The following PPFIA3 variants were observed in gnomAD, a reference collection of about 807,000 sequenced individuals.
The protein encoded by PPFIA3 is PPFI scaffold protein A3.
PPFIA3 carries 26 observed loss-of-function variants against 145.8 expected under a neutral mutation model. The ratio of observed to expected loss-of-function variants is 0.18; its 90% CI spans 0.13 to 0.25. The LOEUF is 0.25. Among genes scored for constraint, PPFIA3 ranks in the 10% least tolerant of loss-of-function variants. The pLI is 1.00. For missense variants in PPFIA3, 1,008 were observed against 1,587.8 expected, an observed-to-expected ratio of 0.63 and a Z score of 6.21; for synonymous variants, 645 against 661.4, an observed-to-expected ratio of 0.98 and a Z score of 0.38.
At chr19:49,148,436 T>A in intron 24 of PPFIA3, 178 bp downstream of exon 24, 1 of 830,334 alleles carries the variant, frequency 1.2e-6, no homozygotes, top group Non-Finnish European at 1.8e-6. Flanking sequence ...CAGGAAAAGT[T>A]CAGATCCTGA....
In PPFIA3 at chr19:49,122,385, GT is replaced by G. The variant is rs545265605; in HGVS notation, c.-16+2670del. On this transcript the variant is annotated intron_variant, in intron 1 of 29. Coordinates refer to ENST00000334186, the MANE Select transcript of PPFIA3 (RefSeq NM_003660.4). The stretch of plus-strand genomic sequence containing the variant: ...GCGTGAGCCACTGTGCACAGCCTTT[GT>G]TTTTTTCATATATTTAGATAAGACC... 3.3e-5 allele frequency among the ~76,000 whole-genome samples: 5 copies of G among 152,076 alleles called. No individual in the cohort carries two copies. The South Asian group carries it at 1.0e-3, about 32-fold the overall frequency.
At chr19:49,135,575 G>C (rs981100614) in intron 13 of PPFIA3, among the ~76,000 whole-genome samples, 1 of 151,958 alleles carries the variant, frequency 6.6e-6, no homozygotes, top group African/African-American at 2.4e-5. Flanking sequence ...GGCTTCACCA[G>C]GTTGGCCTGG....
chr19:49,138,002 G>T (rs2041162092), intron 15 of PPFIA3, among the ~76,000 whole-genome samples: 3 of 152,048 alleles, frequency 2.0e-5, no homozygotes, highest in Non-Finnish European at 2.9e-5. Context: ...ATCCTGCAAT[G>T]ACTTCCTGAG....
At chr19:49,148,054 ACT>A in intron 23 of PPFIA3, 27 bp from the exon 24 acceptor site, 1 of 1,594,874 alleles carries the variant, frequency 6.3e-7, no homozygotes, top group South Asian at 1.1e-5. Flanking sequence ...AGAGGGCCTG[ACT>A]CTTCCCTCAC....
chr19:49,134,638 GAACT>G lies in PPFIA3; in HGVS notation c.1378_1381del (p.Asn460ProfsTer2). ...CCCTCACTTCACCTCTGTCTCCACA[GAACT>G]CCCTGAGCGAGGAGATAGCCAACAT... On this transcript the variant is annotated frameshift_variant and splice_region_variant, in exon 12 of 30. Transcript: ENST00000334186. LOFTEE classifies it high-confidence loss of function. The G allele has an allele frequency of 1.9e-6, 3 of 1,613,594 alleles. No individual in the cohort carries two copies. The highest frequency in any genetic ancestry group is 2.5e-6 in the Non-Finnish European group (3 of 1,179,904).
rs1168429559 is a variant in PPFIA3, at chr19:49,146,206, G to A, written c.2835+14G>A. The A allele has an allele frequency of 6.2e-7, 1 of 1,613,202 alleles. No homozygotes were observed. Among genetic ancestry groups the A allele is most frequent in the Non-Finnish European group, 8.5e-7 (1 of 1,179,708 alleles). On this transcript the variant is annotated intron_variant, in intron 23 of 29. Transcript: ENST00000334186. Reference sequence around the variant, plus strand: ...AGCTGGGAGCAGGTAGGGGGCGCGGGGCGGGGCGTGAGCGCATGAACAGGC... The same window carrying A: ...AGCTGGGAGCAGGTAGGGGGCGCGGAGCGGGGCGTGAGCGCATGAACAGGC...
chr19:49,140,415 C>G (rs543512785), intron 18 of PPFIA3, among the ~76,000 whole-genome samples: 1 of 148,556 alleles, frequency 6.7e-6, no homozygotes, highest in South Asian at 2.2e-4. Flanking sequence ...TGGCAACGAT[C>G]TTGGCTCACT....
chr19:49,120,988 T>C lies in PPFIA3; in HGVS notation c.-16+1266T>C, dbSNP rs1261268372. Among the ~76,000 whole-genome samples the C allele has an allele frequency of 6.6e-6, 1 of 152,158 alleles. No individual in the cohort carries two copies. The highest frequency in any genetic ancestry group is 1.5e-5 in the Non-Finnish European group (1 of 68,036). The stretch of plus-strand genomic sequence containing the variant: ...GGTATCTAGTTTCTCAGGTCTCACT[T>C]TTAGGAACCAGGTCTTCACAGCCTC... On this transcript the variant is annotated intron_variant, in intron 1 of 29. Coordinates refer to ENST00000334186, the MANE Select transcript of PPFIA3 (RefSeq NM_003660.4). The surrounding 1 kb of genome is among the most constrained non-coding windows in gnomAD (Gnocchi z 4.6).
intron 15 of PPFIA3, 162 bp downstream of exon 15, chr19:49,137,073 A>G: frequency 1.6e-6 from 1 of 629,708 alleles, no homozygotes; most frequent in Non-Finnish European, 2.5e-6. Flanking sequence ...ATCCCCTAGG[A>G]TACACTCAGA....
intron 7 of PPFIA3, 119 bp from the exon 8 acceptor site, chr19:49,132,882 G>C (rs2041091881): frequency 1.5e-6 from 2 of 1,336,876 alleles, no homozygotes; most frequent in Admixed American, 4.5e-5. Context: ...CTCTTAGCGG[G>C]TGTGACACCA....
At chr19:49,129,857 G>C (rs1568435135) in intron 5 of PPFIA3, 136 bp from the exon 6 acceptor site, 1 of 862,762 alleles carries the variant, frequency 1.2e-6, no homozygotes, top group Non-Finnish European at 1.8e-6. Context: ...GTAAACCGTG[G>C]GGTAGGCATG....
rs1314250014 is a variant in PPFIA3, at chr19:49,120,400, C to T, written c.-16+678C>T. Among the ~76,000 whole-genome samples, 1 of 152,190 alleles carries T rather than the reference C, an allele frequency of 6.6e-6. No individual in the cohort carries two copies. Among genetic ancestry groups the T allele is most frequent in the African/African-American group, 2.4e-5 (1 of 41,452 alleles). ...CTCGGCACCCCAGGTTCCTGGGACT[C>T]CAGCTGCTCCCTGAGGATCCAGGGC... On this transcript the variant is annotated intron_variant, in intron 1 of 29. Coordinates refer to ENST00000334186, the MANE Select transcript of PPFIA3 (RefSeq NM_003660.4). The surrounding 1 kb of genome is among the most constrained non-coding windows in gnomAD (Gnocchi z 4.6).
rs1216636849 is a variant in PPFIA3, at chr19:49,149,928, GT to G, written c.3527-149del. On this transcript the variant is annotated intron_variant, in intron 28 of 29. Coordinates refer to ENST00000334186, the MANE Select transcript of PPFIA3 (RefSeq NM_003660.4). This position sits in a 1 kb window ranked among gnomAD's most constrained non-coding sequence, Gnocchi z 5.7. Reference sequence around the variant, plus strand: ...GCGGGAGTGAACTCGCCCAATGCGAGTTTGAGTCCTTGGCTGCGGGGAAGGG... The same window carrying G: ...GCGGGAGTGAACTCGCCCAATGCGAGTTGAGTCCTTGGCTGCGGGGAAGGG... 28 of 1,156,382 alleles carry G rather than the reference GT, an allele frequency of 2.4e-5. No individual in the cohort carries two copies. The highest frequency in any genetic ancestry group is 3.4e-5 in the Non-Finnish European group (28 of 823,260). The allele number at this position is 1,156,382 out of a possible 1,614,324, so 71.6% of individuals were successfully genotyped here.
At chr19:49,126,819 A>G (rs2041004930) in intron 1 of PPFIA3, among the ~76,000 whole-genome samples, 1 of 151,944 alleles carries the variant, frequency 6.6e-6, no homozygotes, top group African/African-American at 2.4e-5. Context: ...GGGGATTCTC[A>G]GTAGAGCCAG....
chr19:49,121,608 C>T (rs1448138735), intron 1 of PPFIA3, among the ~76,000 whole-genome samples: 2 of 152,054 alleles, frequency 1.3e-5, no homozygotes, highest in Non-Finnish European at 2.9e-5. Context: ...GAAACCCTGT[C>T]TCTACTAAAA....
chr19:49,132,771 G>T (rs889336715), intron 7 of PPFIA3, among the ~76,000 whole-genome samples: 11 of 152,188 alleles, frequency 7.2e-5, no homozygotes, highest in African/African-American at 2.7e-4. Flanking sequence ...GAACCTGGAG[G>T]ATCTGAGCCT....
At chr19:49,148,581 C>G (rs1281458597) in intron 24 of PPFIA3, 85 bp from the exon 25 acceptor site, 1 of 1,085,278 alleles carries the variant, frequency 9.2e-7, no homozygotes, top group African/African-American at 1.6e-5. Flanking sequence ...CCAAGAAGAG[C>G]GCAGCCAGTG....
Position 49,127,607 on chromosome 19 carries a change from AAT to A in PPFIA3, c.-15-250_-15-249del, listed in dbSNP as rs1267439113. 1.8e-3 allele frequency among the ~76,000 whole-genome samples: 253 copies of A among 144,088 alleles called. 1 individual carries two copies. The highest frequency in any genetic ancestry group is 5.4e-3 in the African/African-American group (218 of 40,052). 94.5% of individuals were successfully genotyped at this position (144,088 alleles called of 152,430 possible). ...GAGTGAGACCCTGTTAAAAAAAAAT[AAT>A]AATAATAATAGGCCTCAGTTTCCCC... On this transcript the variant is annotated intron_variant, in intron 1 of 29. Coordinates refer to ENST00000334186, the MANE Select transcript of PPFIA3 (RefSeq NM_003660.4).
chr19:49,144,980 G>A (rs2041264748), intron 21 of PPFIA3, among the ~76,000 whole-genome samples: 1 of 149,010 alleles, frequency 6.7e-6, no homozygotes, highest in Admixed American at 6.7e-5. Flanking sequence ...GCCCAGGCTG[G>A]AGTGCAGTGG....
Sources: gnomAD v4.1 joint callset for allele counts (sites outside exome capture counted in the v4.1 genomes callset) on GRCh38, gnomAD v4.1.1 for gene constraint, Gnocchi (gnomAD v3.1) non-coding constraint, MANE v1.5 for transcripts, NCBI Gene and HGNC (gene_info 2026-07-23, HGNC 2026-07-21) for gene names.